Variants in NXPH1 observed in about 807,000 individuals in gnomAD.
NXPH1 encodes neurexophilin 1, also known as neurexophilin-1.
Under a neutral mutation model 23.7 loss-of-function variants are expected in NXPH1, and 5 were observed. That is an observed-to-expected ratio of 0.21 (90% confidence interval 0.11 to 0.44). The LOEUF is 0.44. Ranked by LOEUF, NXPH1 falls within the 20% of genes least tolerant of loss-of-function variation. NXPH1 has a pLI of 0.99. For missense variants in NXPH1, 324 were observed against 321.6 expected (o/e 1.01, Z -0.06); for synonymous variants, 144 against 122.2 (o/e 1.18, Z -1.18).
intron 2 of NXPH1, among the ~76,000 whole-genome samples, chr7:8,642,511 G>C (rs898324024): frequency 6.6e-6 from 1 of 152,046 alleles, no homozygotes; most frequent in African/African-American, 2.4e-5. Flanking sequence ...AGTTCCCTCT[G>C]AGATTTATTA....
chr7:8,615,185 T>C (rs1430190805), intron 2 of NXPH1, among the ~76,000 whole-genome samples: 1 of 152,062 alleles, frequency 6.6e-6, no homozygotes, highest in Non-Finnish European at 1.5e-5. Context: ...CCCTGCTATT[T>C]GTTTGACACA....
At chr7:8,590,093 A>G (rs185146921) in intron 2 of NXPH1, among the ~76,000 whole-genome samples, 40 of 152,092 alleles carry the variant, frequency 2.6e-4, no homozygotes, top group Admixed American at 1.7e-3. Flanking sequence ...GCCTTGACCC[A>G]TGTCCTGGCT....
chr7:8,672,824 C>T lies in NXPH1; in HGVS notation c.55-78184C>T, dbSNP rs1820892106. On this transcript the variant is annotated intron_variant, in intron 2 of 2. Coordinates refer to ENST00000405863, the MANE Select transcript of NXPH1 (RefSeq NM_152745.3). ...CGGTTCTTTCTTATCCCACAGTCTGCTCTGCCATCTCTTTCCTCATTACTT... is the reference window on the plus strand; with the variant it reads ...CGGTTCTTTCTTATCCCACAGTCTGTTCTGCCATCTCTTTCCTCATTACTT... 2.6e-5 allele frequency among the ~76,000 whole-genome samples: 4 copies of T among 152,186 alleles called. No individual in the cohort carries two copies. In the South Asian group the frequency reaches 8.3e-4, roughly 31 times the overall value.
intron 2 of NXPH1, among the ~76,000 whole-genome samples, chr7:8,595,425 G>A (rs1399491438): frequency 6.6e-6 from 1 of 151,844 alleles, no homozygotes; most frequent in East Asian, 1.9e-4. Context: ...AAGTTGAAAA[G>A]TTGAAAAATG....
At chr7:8,448,784 C>A (rs1049543441) in intron 2 of NXPH1, among the ~76,000 whole-genome samples, 1 of 137,022 alleles carries the variant, frequency 7.3e-6, no homozygotes, top group Non-Finnish European at 1.5e-5. Flanking sequence ...CACTGCACTG[C>A]AGCCTGGAAG....
intron 2 of NXPH1, among the ~76,000 whole-genome samples, chr7:8,540,522 G>A (rs1482050934): frequency 6.6e-6 from 1 of 151,730 alleles, no homozygotes; most frequent in Non-Finnish European, 1.5e-5. Context: ...CCCAAGTGAA[G>A]CCCAGGGGAC....
intron 2 of NXPH1, among the ~76,000 whole-genome samples, chr7:8,711,154 C>A (rs1779788296): frequency 6.6e-6 from 1 of 152,082 alleles, no homozygotes; most frequent in African/African-American, 2.4e-5. Flanking sequence ...GTAATGACTG[C>A]CTACGAGTGG....
intron 2 of NXPH1, among the ~76,000 whole-genome samples, chr7:8,488,297 T>C (rs1417374778): frequency 1.3e-5 from 2 of 152,054 alleles, no homozygotes; most frequent in African/African-American, 4.8e-5. Context: ...CATACACATT[T>C]ATGTATGACC....
intron 2 of NXPH1, among the ~76,000 whole-genome samples, chr7:8,511,305 C>A (rs1025786072): frequency 6.6e-6 from 1 of 151,990 alleles, no homozygotes; most frequent in African/African-American, 2.4e-5. Flanking sequence ...GTTTTCTTTT[C>A]CATAGAGGCC....
chr7:8,721,764 G>A (rs564859610), intron 2 of NXPH1, among the ~76,000 whole-genome samples: 2 of 152,176 alleles, frequency 1.3e-5, no homozygotes, highest in Non-Finnish European at 2.9e-5. Context: ...GCAACATAGC[G>A]AGACTCTGTC....
intron 2 of NXPH1, among the ~76,000 whole-genome samples, chr7:8,462,927 TCAAAGTTTGAAGAGAC>T (rs1213976282): frequency 2.4e-4 from 36 of 152,220 alleles, no homozygotes; most frequent in Non-Finnish European, 2.9e-5. Context: ...TAATAAAATC[TCAAAGTTTGAAGAGAC>T]ATTACAGACT....
chr7:8,710,620 C>CA (rs1164272804), intron 2 of NXPH1, among the ~76,000 whole-genome samples: 1 of 118,612 alleles, frequency 8.4e-6, no homozygotes, highest in Non-Finnish European at 1.8e-5. Flanking sequence ...GGTTGTTGAA[C>CA]AAAGCATGTC....
At chr7:8,459,112 AG>A (rs147762175) in intron 2 of NXPH1, among the ~76,000 whole-genome samples, 6,250 of 151,838 alleles carry the variant, frequency 0.041, 152 homozygotes, top group African/African-American at 0.058. Flanking sequence ...TCCAAGGAGA[AG>A]GAGTTAACTT....
chr7:8,454,504 T>G (rs1299940532), intron 2 of NXPH1, among the ~76,000 whole-genome samples: 1 of 152,162 alleles, frequency 6.6e-6, no homozygotes, highest in Non-Finnish European at 1.5e-5. Context: ...TTTGTAAATT[T>G]GACTTGTATT....
At chr7:8,480,466 T>A (rs2128609744) in intron 2 of NXPH1, among the ~76,000 whole-genome samples, 1 of 152,252 alleles carries the variant, frequency 6.6e-6, no homozygotes, top group East Asian at 1.9e-4. Context: ...AATGGACAAT[T>A]CTCTCTTGGA....
At chr7:8,555,387 A>G (rs1818341375) in intron 2 of NXPH1, among the ~76,000 whole-genome samples, 1 of 151,712 alleles carries the variant, frequency 6.6e-6, no homozygotes. Flanking sequence ...GACACCAGGC[A>G]GAAGATACGA....
Position 8,559,346 on chromosome 7 carries a change from C to T in NXPH1, c.54+123579C>T, listed in dbSNP as rs181851517. ...AAGTCCTTTCTTTCTTCTGTCACCT[C>T]CCGAGTGTCTTAGAAGATCTGTATT... On this transcript the variant is annotated intron_variant, in intron 2 of 2. Coordinates refer to ENST00000405863, the MANE Select transcript of NXPH1 (RefSeq NM_152745.3). 2.6e-5 allele frequency among the ~76,000 whole-genome samples: 4 copies of T among 151,816 alleles called. No individual in the cohort carries two copies. In the East Asian group the frequency reaches 7.8e-4, roughly 30 times the overall value.
chr7:8,572,044 T>G (rs1169199933), intron 2 of NXPH1, among the ~76,000 whole-genome samples: 1 of 151,804 alleles, frequency 6.6e-6, no homozygotes, highest in Admixed American at 6.6e-5. Flanking sequence ...CAACTCAGAG[T>G]TGCCACATTT....
At chr7:8,718,218 T>C (rs1583244469) in intron 2 of NXPH1, among the ~76,000 whole-genome samples, 1 of 152,202 alleles carries the variant, frequency 6.6e-6, no homozygotes, top group East Asian at 1.9e-4. Flanking sequence ...AGGCTTGAAC[T>C]CAGCTTTTGA....
Sources: allele counts gnomAD v4.1 joint callset (sites outside exome capture counted in the v4.1 genomes callset), GRCh38; gene constraint gnomAD v4.1.1; transcripts MANE v1.5; gene names NCBI Gene and HGNC (gene_info 2026-07-23, HGNC 2026-07-21).